PAX2: variants seen among roughly 807,000 people sequenced by gnomAD.
PAX2 encodes the protein paired box 2.
A neutral mutation model predicts 41.7 loss-of-function variants in PAX2; 9 were observed. The ratio of observed to expected loss-of-function variants is 0.22; its 90% CI spans 0.13 to 0.38. The LOEUF (loss-of-function observed/expected upper bound fraction) is 0.38. Among genes scored for constraint, PAX2 ranks in the 10% least tolerant of loss-of-function variants. PAX2 has a pLI of 1.00. For missense variants in PAX2, 418 were observed against 531.6 expected, an observed-to-expected ratio of 0.79 and a Z score of 2.10; for synonymous variants, 221 against 212.7, an observed-to-expected ratio of 1.04 and a Z score of -0.34.
At chr10:100,764,843 G>A (rs1421666684) in intron 3 of PAX2, among the ~76,000 whole-genome samples, 2 of 152,162 alleles carry the variant, frequency 1.3e-5, no homozygotes, top group Admixed American at 6.5e-5. Context: ...AAATGAAATG[G>A]TAGTGGGGAA....
upstream of PAX2, among the ~76,000 whole-genome samples, chr10:100,743,428 G>C (rs1159035547): frequency 1.3e-5 from 2 of 152,070 alleles, no homozygotes; most frequent in Admixed American, 1.3e-4. Context: ...GTGTGGAAGG[G>C]GGGGGGTTTA....
At chr10:100,768,745 C>G (rs994392615) in intron 3 of PAX2, among the ~76,000 whole-genome samples, 1 of 152,080 alleles carries the variant, frequency 6.6e-6, no homozygotes, top group Non-Finnish European at 1.5e-5. Context: ...CAATGTCGGG[C>G]TCTTACCCGA....
intron 7 of PAX2, among the ~76,000 whole-genome samples, chr10:100,821,390 C>A (rs774909661): frequency 1.3e-5 from 2 of 152,236 alleles, no homozygotes; most frequent in Non-Finnish European, 2.9e-5. Context: ...GCAGCAGGTG[C>A]ACAGCTGTAT....
Position 100,791,161 on chromosome 10 carries a change from G to T in PAX2, c.616+9796G>T, listed in dbSNP as rs922533327. Among the ~76,000 whole-genome samples the T allele has an allele frequency of 6.6e-6, 1 of 152,172 alleles. No homozygotes were observed. Among genetic ancestry groups the T allele is most frequent in the Non-Finnish European group, 1.5e-5 (1 of 68,030 alleles). On this transcript the variant is annotated intron_variant, in intron 5 of 9. Transcript: ENST00000355243. The surrounding 1 kb of genome is among the most constrained non-coding windows in gnomAD (Gnocchi z 4.5). ...ATGTCAGCATCCCCTCCCTCCCTGA[G>T]GCTCCGCCTGCCTGCTTCAAAGCAC... is the stretch of plus-strand genomic sequence containing the variant.
chr10:100,784,085 C>A (rs1162685532), intron 5 of PAX2, among the ~76,000 whole-genome samples: 1 of 152,172 alleles, frequency 6.6e-6, no homozygotes, highest in Admixed American at 6.5e-5. Flanking sequence ...TGTGGCAGCC[C>A]CTCCTCCCCT....
chr10:100,786,910 T>G (rs1045842685), intron 5 of PAX2: 10 of 1,299,628 alleles, frequency 7.7e-6, no homozygotes, highest in Non-Finnish European at 1.0e-5. Context: ...TTTCGGGATC[T>G]CTCAGTGTTT....
rs1848475791 is a variant in PAX2, at chr10:100,824,395, CAAAT to C, written c.920-251_920-248del. ...ACACACACACACACACACACACACA[CAAAT>C]ACACAGAGACACAAAGAGCTACACA... is the stretch of plus-strand genomic sequence containing the variant. On this transcript the variant is annotated intron_variant, in intron 7 of 9. Transcript: ENST00000355243. This position sits in a 1 kb window ranked among gnomAD's most constrained non-coding sequence, Gnocchi z 6.6. Among the ~76,000 whole-genome samples, 1 of 149,604 alleles carries C rather than the reference CAAAT, an allele frequency of 6.7e-6. No individual in the cohort carries two copies. Among genetic ancestry groups the C allele is most frequent in the Non-Finnish European group, 1.5e-5 (1 of 67,588 alleles).
intron 3 of PAX2, among the ~76,000 whole-genome samples, chr10:100,775,834 G>C (rs1290425370): frequency 1.3e-5 from 2 of 152,172 alleles, no homozygotes; most frequent in Non-Finnish European, 2.9e-5. Context: ...CTGCCTCTCA[G>C]CTACTATCCA....
chr10:100,779,442 T>C (rs1846520879), intron 3 of PAX2, 56 bp from the exon 4 acceptor site: 2 of 1,429,952 alleles, frequency 1.4e-6, no homozygotes, highest in Non-Finnish European at 1.9e-6. Context: ...TGGGCTGGAA[T>C]TGGCCGGGAT....
intron 3 of PAX2, among the ~76,000 whole-genome samples, chr10:100,762,405 C>G (rs997045089): frequency 7.2e-5 from 11 of 152,084 alleles, no homozygotes; most frequent in African/African-American, 2.4e-4. Flanking sequence ...ACGCACGCAG[C>G]CTTCTTGCAC....
intron 3 of PAX2, among the ~76,000 whole-genome samples, chr10:100,767,138 A>T (rs916227824): frequency 5.9e-5 from 9 of 152,152 alleles, no homozygotes; most frequent in African/African-American, 2.2e-4. Flanking sequence ...CCATAGGCAC[A>T]CCCATACCCA....
At chr10:100,742,083 G>C (rs1459961113), upstream of PAX2, among the ~76,000 whole-genome samples, 1 of 151,668 alleles carries the variant, frequency 6.6e-6, no homozygotes, top group Non-Finnish European at 1.5e-5. Context: ...CCTGGGCCCC[G>C]GGTCAGGGCC....
chr10:100,800,452 T>G (rs906448222), intron 5 of PAX2, among the ~76,000 whole-genome samples: 7 of 151,990 alleles, frequency 4.6e-5, no homozygotes, highest in African/African-American at 1.7e-4. Context: ...TAATTTTTTA[T>G]TTTTGTAAAG....
chr10:100,786,807 A>G, intron 5 of PAX2: 1 of 494,312 alleles, frequency 2.0e-6, no homozygotes, highest in Non-Finnish European at 4.0e-6. Context: ...CCAGGCTGTG[A>G]GGGAATTGCA....
intron 3 of PAX2, among the ~76,000 whole-genome samples, chr10:100,778,957 G>A (rs1846499664): frequency 6.6e-6 from 1 of 152,124 alleles, no homozygotes; most frequent in South Asian, 2.1e-4. Context: ...CAAAAGAAAG[G>A]GTCACCTGTG....
chr10:100,809,694 A>G (rs906099936), intron 7 of PAX2, among the ~76,000 whole-genome samples: 2 of 152,196 alleles, frequency 1.3e-5, no homozygotes, highest in Non-Finnish European at 2.9e-5. Flanking sequence ...ATGGGTGATC[A>G]TGGCTTTGGG....
chr10:100,739,977 T>G (rs1005282480), intron 1 of PAX2, among the ~76,000 whole-genome samples: 7 of 152,168 alleles, frequency 4.6e-5, no homozygotes, highest in African/African-American at 1.7e-4. Context: ...AGACAGGTGG[T>G]GGCTTCTCAG....
chr10:100,754,651 G>C (rs1010753717), intron 3 of PAX2, among the ~76,000 whole-genome samples: 2 of 152,222 alleles, frequency 1.3e-5, no homozygotes, highest in African/African-American at 4.8e-5. Context: ...AGGCAGTGGG[G>C]TGACAATGGT....
chr10:100,816,715 A>C (rs981258402), intron 7 of PAX2, among the ~76,000 whole-genome samples: 1 of 152,170 alleles, frequency 6.6e-6, no homozygotes, highest in African/African-American at 2.4e-5. Flanking sequence ...GTGCTTTTGC[A>C]ACCCTGAGCT....
Sources: allele counts gnomAD v4.1 joint callset (sites outside exome capture counted in the v4.1 genomes callset), GRCh38; gene constraint gnomAD v4.1.1; non-coding constraint Gnocchi (gnomAD v3.1); transcripts MANE v1.5; gene names NCBI Gene and HGNC (gene_info 2026-07-23, HGNC 2026-07-21).